SNTB2: variants seen among roughly 807,000 people sequenced by gnomAD.
SNTB2 encodes beta-2-syntrophin.
In SNTB2, 34 loss-of-function variants were observed where a neutral mutation model predicts 46.2. The observed-to-expected ratio is 0.74, with a 90% confidence interval of 0.56 to 0.98. The LOEUF is 0.98. SNTB2 is among the 50% of genes least tolerant of loss of function. SNTB2 has a pLI of 0.00. For synonymous variants in SNTB2, 290 were observed against 312.6 expected (o/e 0.93, Z 0.76); for missense variants, 603 against 731.4 (o/e 0.82, Z 2.02).
intron 4 of SNTB2, among the ~76,000 whole-genome samples, chr16:69,279,853 A>AT (rs1381135135): frequency 2.5e-5 from 3 of 122,286 alleles, no homozygotes; most frequent in African/African-American, 8.3e-5. Context: ...TTTTTAATTA[A>AT]TTAATTAATT....
chr16:69,256,895 C>T (rs1436339178), intron 2 of SNTB2, among the ~76,000 whole-genome samples: 1 of 152,174 alleles, frequency 6.6e-6, no homozygotes, highest in Non-Finnish European at 1.5e-5. Context: ...TAAGGCCAGG[C>T]ACAGTGGCTC....
At chr16:69,278,194 A>G (rs947090613) in intron 4 of SNTB2, among the ~76,000 whole-genome samples, 5 of 152,110 alleles carry the variant, frequency 3.3e-5, no homozygotes, top group Non-Finnish European at 5.9e-5. Flanking sequence ...GCGCATGCCT[A>G]TAGTCCTAGC....
At chr16:69,264,949 G>T (rs1172892233) in intron 3 of SNTB2, among the ~76,000 whole-genome samples, 3 of 152,104 alleles carry the variant, frequency 2.0e-5, no homozygotes, top group Non-Finnish European at 4.4e-5. Flanking sequence ...AAGTGATTAC[G>T]ATTAAAATTA....
intron 1 of SNTB2, among the ~76,000 whole-genome samples, chr16:69,204,478 C>T (rs535557292): frequency 4.5e-4 from 69 of 152,316 alleles, no homozygotes; most frequent in Middle Eastern, 3.4e-3. Context: ...TTGCCACAAT[C>T]CCTTTTAAAT....
At chr16:69,297,243 G>T (rs1370994150) in intron 5 of SNTB2, among the ~76,000 whole-genome samples, 6 of 148,458 alleles carry the variant, frequency 4.0e-5, no homozygotes, top group Non-Finnish European at 8.9e-5. Context: ...GGAGGCAGAG[G>T]TTGCAGTCAG....
Position 69,306,009 on chromosome 16 carries a change from G to T in SNTB2, c.*5085G>T, listed in dbSNP as rs995819574. On this transcript the variant is annotated 3_prime_UTR_variant, in exon 7 of 7. Coordinates refer to ENST00000336278, the MANE Select transcript of SNTB2 (RefSeq NM_006750.4). Reference sequence around the variant, plus strand: ...TAAAATAATTATGCTATATATCAGGGTTCTGTATTTTTGAGCAATATCATT... The same window carrying T: ...TAAAATAATTATGCTATATATCAGGTTTCTGTATTTTTGAGCAATATCATT... 1 of 151,894 alleles carries T rather than the reference G, an allele frequency of 6.6e-6. No homozygotes were observed. The highest frequency in any genetic ancestry group is 1.5e-5 in the Non-Finnish European group (1 of 68,008). 9.4% of individuals were successfully genotyped at this position (151,894 alleles called of 1,614,324 possible). A position where few individuals can be genotyped will look rare whatever the true frequency, so the allele number is the denominator to read the frequency against.
chr16:69,279,868 A>AATTT (rs1264460907), intron 4 of SNTB2, among the ~76,000 whole-genome samples: 70 of 144,258 alleles, frequency 4.9e-4, no homozygotes, highest in Non-Finnish European at 9.1e-4. Flanking sequence ...TTAATTAATT[A>AATTT]ATTTATTTAT....
At chr16:69,199,021 C>T (rs1169823817) in intron 1 of SNTB2, among the ~76,000 whole-genome samples, 2 of 151,664 alleles carry the variant, frequency 1.3e-5, no homozygotes, top group African/African-American at 2.4e-5. Context: ...CTCAGCCTCC[C>T]GAGTAGCTGG....
intron 4 of SNTB2, among the ~76,000 whole-genome samples, chr16:69,270,491 G>A (rs562573706): frequency 6.6e-5 from 10 of 152,214 alleles, no homozygotes; most frequent in African/African-American, 2.4e-4. Context: ...TATAATGAGC[G>A]TTTTTGTGTG....
At chr16:69,257,803 A>G (rs1167375264) in intron 2 of SNTB2, among the ~76,000 whole-genome samples, 3 of 152,192 alleles carry the variant, frequency 2.0e-5, no homozygotes, top group East Asian at 3.8e-4. Context: ...TGCTGTTACC[A>G]TAGAACTTTG....
At chr16:69,225,297 T>C (rs1964448093) in intron 1 of SNTB2, among the ~76,000 whole-genome samples, 1 of 152,248 alleles carries the variant, frequency 6.6e-6, no homozygotes, top group Non-Finnish European at 1.5e-5. Flanking sequence ...GTTAATATTG[T>C]ATTTCCGTCT....
chr16:69,208,754 G>A (rs1051100836), intron 1 of SNTB2, among the ~76,000 whole-genome samples: 2 of 152,040 alleles, frequency 1.3e-5, no homozygotes, highest in Admixed American at 6.6e-5. Context: ...CCAGCACTTT[G>A]GGAGGCCGAG....
Position 69,245,691 on chromosome 16 carries a change from A to G in SNTB2, c.670A>G (p.Ser224Gly), listed in dbSNP as rs1447866155. 6.2e-7 allele frequency: 1 copy of G among 1,614,022 alleles called. No individual in the cohort carries two copies. Among genetic ancestry groups the G allele is most frequent in the Non-Finnish European group, 8.5e-7 (1 of 1,180,026 alleles). ...PWEGAAPQSPSFSGSEDSGSP... is the reference protein window; with the variant it reads ...PWEGAAPQSPGFSGSEDSGSP... ...GGAAGGTGCAGCCCCCCAGTCACCA[A>G]GCTTTAGTGGCAGTGAGGACTCTGG... Residue 224 changes from serine (S) to glycine (G), a missense_variant, in exon 2 of 7, where the codon AGC becomes GGC. By Grantham distance (56) the Ser-to-Gly change is moderately conservative. Around this residue, in one of 2 missense-constraint regions of SNTB2, gnomAD observed 537 missense variants for 692.4 expected, o/e 0.78. Coordinates refer to ENST00000336278, the MANE Select transcript of SNTB2 (RefSeq NM_006750.4).
chr16:69,279,868 A>ATTT (rs1567413499), intron 4 of SNTB2, among the ~76,000 whole-genome samples: 24 of 144,266 alleles, frequency 1.7e-4, no homozygotes, highest in East Asian at 8.2e-4. Context: ...TTAATTAATT[A>ATTT]ATTTATTTAT....
chr16:69,275,688 G>A (rs2143133836), intron 4 of SNTB2, among the ~76,000 whole-genome samples: 1 of 152,308 alleles, frequency 6.6e-6, no homozygotes, highest in East Asian at 1.9e-4. Flanking sequence ...TGAGATTTAA[G>A]TGAGTAATGA....
At chr16:69,217,113 G>A (rs375109688) in intron 1 of SNTB2, among the ~76,000 whole-genome samples, 2 of 152,082 alleles carry the variant, frequency 1.3e-5, no homozygotes, top group East Asian at 3.9e-4. Context: ...TTTACAGTAC[G>A]TTAACGGTAA....
intron 2 of SNTB2, among the ~76,000 whole-genome samples, chr16:69,253,438 A>G (rs911385071): frequency 2.0e-5 from 3 of 151,594 alleles, no homozygotes; most frequent in Non-Finnish European, 4.4e-5. Flanking sequence ...TCACGAGGTC[A>G]GGAGATCGAG....
chr16:69,226,430 A>G (rs540579143), intron 1 of SNTB2, among the ~76,000 whole-genome samples: 13 of 152,110 alleles, frequency 8.5e-5, no homozygotes, highest in Non-Finnish European at 1.8e-4. Context: ...TGTGCTAGCA[A>G]TAGATAAAAC....
intron 2 of SNTB2, among the ~76,000 whole-genome samples, chr16:69,258,562 A>G (rs1046269484): frequency 6.6e-6 from 1 of 151,434 alleles, no homozygotes; most frequent in African/African-American, 2.4e-5. Flanking sequence ...CACAGTTTCA[A>G]ATTTTACAGA....
Sources: gnomAD v4.1 joint callset for allele counts (sites outside exome capture counted in the v4.1 genomes callset) on GRCh38, gnomAD v4.1.1 for gene constraint, gnomAD v4.1.1 regional missense constraint, MANE v1.5 for transcripts, NCBI Gene and HGNC (gene_info 2026-07-23, HGNC 2026-07-21) for gene names.